CYFIP1: variants seen among roughly 807,000 people sequenced by gnomAD.
The protein encoded by CYFIP1 is cytoplasmic FMR1-interacting protein 1.
Under a neutral mutation model 163.5 loss-of-function variants are expected in CYFIP1, and 58 were observed. The ratio of observed to expected loss-of-function variants is 0.35; its 90% confidence interval spans 0.29 to 0.44. The LOEUF (loss-of-function observed/expected upper bound fraction) is 0.44, where lower values mean the gene tolerates loss of function less well. Ranked by LOEUF, CYFIP1 falls within the 20% of genes least tolerant of loss-of-function variation. The pLI is 1.00. For missense variants in CYFIP1, 1,338 were observed against 1,653.8 expected, an observed-to-expected ratio of 0.81 and a Z score of 3.31; for synonymous variants, 663 against 660.7, an observed-to-expected ratio of 1.00 and a Z score of -0.05.
rs533578030 is a variant in CYFIP1, at chr15:22,900,377, C to T, written c.2588+3329G>A. ...ATTCCAGACTTCTGGACTCCAGAAC[C>T]GTAAGAGAATAAATTTCTGTTCTTT... On this transcript the variant is annotated intron_variant, in intron 22 of 30. Coordinates refer to ENST00000617928, the MANE Select transcript of CYFIP1 (RefSeq NM_014608.6). Among the ~76,000 whole-genome samples, 52 of 151,460 alleles carry T rather than the reference C, an allele frequency of 3.4e-4. 3 individuals carry two copies. The South Asian group carries it at 9.4e-3, about 27-fold the overall frequency.
chr15:22,885,299 C>A (rs897081260), intron 23 of CYFIP1, among the ~76,000 whole-genome samples: 1 of 152,160 alleles, frequency 6.6e-6, no homozygotes, highest in African/African-American at 2.4e-5. Flanking sequence ...TAGGGCGGGG[C>A]AAAATGCTGC....
chr15:22,963,006 G>A (rs2062740915), intron 1 of CYFIP1, among the ~76,000 whole-genome samples: 1 of 152,098 alleles, frequency 6.6e-6, no homozygotes, highest in South Asian at 2.1e-4. Flanking sequence ...ACATGCTCCA[G>A]CACAGGGCTC....
chr15:22,911,758 TCTC>T, intron 18 of CYFIP1, among the ~76,000 whole-genome samples: 1 of 152,130 alleles, frequency 6.6e-6, no homozygotes, highest in Non-Finnish European at 1.5e-5. Flanking sequence ...ATAAGGTTCA[TCTC>T]CTTAAATGTG....
chr15:22,923,476 T>C (rs979191849), intron 13 of CYFIP1, among the ~76,000 whole-genome samples: 1 of 152,114 alleles, frequency 6.6e-6, no homozygotes, highest in African/African-American at 2.4e-5. Flanking sequence ...ACAAGTTTGG[T>C]GTGGATGTGG....
chr15:22,967,498 C>T (rs12441090), intron 1 of CYFIP1, among the ~76,000 whole-genome samples: 70,167 of 151,924 alleles, frequency 0.46, 16,525 homozygotes, highest in Non-Finnish European at 0.5. Context: ...CTTTCCTGCT[C>T]ACAGTGTGTG....
chr15:22,947,042 G>A lies in CYFIP1; in HGVS notation c.168C>T (p.Ile56=), dbSNP rs745649616. Residue 56 remains isoleucine, a synonymous_variant, in exon 3 of 31, where the codon ATC becomes ATT. Transcript: ENST00000617928. ...FEDRNAFVTG[I]ARYIEQATVH... ...CGGTGGCTTGTTCAATGTATCTTGC[G>A]ATGCCAGTAACAAATGCATTTCTGT... is the stretch of plus-strand genomic sequence containing the variant. The A allele has an allele frequency of 3.0e-5, 48 of 1,614,004 alleles. 1 individual carries two copies. The highest frequency in any genetic ancestry group is 8.3e-5 in the Admixed American group (5 of 60,002).
In CYFIP1 at chr15:22,878,674, T is replaced by TAA. The variant is rs199504341; in HGVS notation, c.3042+1237_3042+1238dup. On this transcript the variant is annotated intron_variant, in intron 26 of 30. Coordinates refer to ENST00000617928, the MANE Select transcript of CYFIP1 (RefSeq NM_014608.6). Reference sequence around the variant, plus strand: ...AAAGTTCCATGTGCAGATGGTAGATTAAAAAAAAAAAAAAGTGCTAATCAT... The same window carrying TAA: ...AAAGTTCCATGTGCAGATGGTAGATTAAAAAAAAAAAAAAAAGTGCTAATCAT... 7.0e-4 allele frequency among the ~76,000 whole-genome samples: 85 copies of TAA among 121,714 alleles called. 1 individual carries two copies. In the East Asian group the frequency reaches 9.9e-3, roughly 14 times the overall value. 79.8% of individuals were successfully genotyped at this position (121,714 alleles called of 152,430 possible). A position where few individuals can be genotyped will look rare whatever the true frequency, so the allele number is the denominator to read the frequency against.
At position 22,922,884 on chromosome 15, in the gene CYFIP1, TG is replaced by T. The variant is rs544487532; in HGVS notation, c.1359+3097del. 2.8e-3 allele frequency among the ~76,000 whole-genome samples: 426 copies of T among 151,822 alleles called. 3 individuals are homozygous for T. The highest frequency in any genetic ancestry group is 0.01 in the African/African-American group (415 of 41,406). ...GCGCACACCTGTAATCCCAGCTACT[TG>T]GGAGGCTGAAGCAGGAGAATTGCTT... is the stretch of plus-strand genomic sequence containing the variant. On this transcript the variant is annotated intron_variant, in intron 13 of 30. Transcript: ENST00000617928.
chr15:22,870,848 T>C (rs1477201108), intron 30 of CYFIP1, among the ~76,000 whole-genome samples: 1 of 152,170 alleles, frequency 6.6e-6, no homozygotes, highest in Non-Finnish European at 1.5e-5. Context: ...ACTTCCAGTT[T>C]GGAAATACTG....
At chr15:22,972,469 A>G (rs183077547) in intron 1 of CYFIP1, among the ~76,000 whole-genome samples, 94 of 152,258 alleles carry the variant, frequency 6.2e-4, no homozygotes, top group Non-Finnish European at 1.0e-3. Flanking sequence ...AACTACAGAG[A>G]TATAGTAACC....
In CYFIP1 at chr15:22,876,506, G is replaced by C. The variant is rs367718685; in HGVS notation, c.3043-1235C>G. On this transcript the variant is annotated intron_variant, in intron 26 of 30. Coordinates refer to ENST00000617928, the MANE Select transcript of CYFIP1 (RefSeq NM_014608.6). ...TAATTATTTATGTCCATGAGTCCTG[G>C]GATGGACATAAATAATTATAGAACC... Among the ~76,000 whole-genome samples, 3 of 151,962 alleles carry C rather than the reference G, an allele frequency of 2.0e-5. No individual in the cohort carries two copies. The East Asian group carries it at 5.9e-4, about 30-fold the overall frequency.
intron 3 of CYFIP1, chr15:22,946,721 G>A: frequency 1.7e-6 from 1 of 601,398 alleles, no homozygotes; most frequent in Non-Finnish European, 3.1e-6. Flanking sequence ...GGTGTGTGTG[G>A]GTGCAGATCT....
In CYFIP1 at chr15:22,947,069, T is replaced by C. The variant is rs369583946; in HGVS notation, c.141A>G (p.Glu47=). Reference sequence around the variant, plus strand: ...TGCCAGTAACAAATGCATTTCTGTCTTCAAAGTTAGTGTTGAAATTTGGCT... The same window carrying C: ...TGCCAGTAACAAATGCATTTCTGTCCTCAAAGTTAGTGTTGAAATTTGGCT... ...LYQPNFNTNF[E]DRNAFVTGIA... Residue 47 remains glutamate, a synonymous_variant, in exon 3 of 31, where the codon GAA becomes GAG. Coordinates refer to ENST00000617928, the MANE Select transcript of CYFIP1 (RefSeq NM_014608.6). 8 of 1,614,058 alleles carry C rather than the reference T, an allele frequency of 5.0e-6. No individual in the cohort carries two copies. The African/African-American group carries it at 1.1e-4, about 22-fold the overall frequency.
At chr15:22,935,372 G>A (rs1305962208) in intron 9 of CYFIP1, among the ~76,000 whole-genome samples, 1 of 152,176 alleles carries the variant, frequency 6.6e-6, no homozygotes, top group African/African-American at 2.4e-5. Context: ...GCCATACTGG[G>A]AAAGATCCAA....
chr15:22,939,361 C>T, intron 7 of CYFIP1, 41 bp from the exon 8 acceptor site: 1 of 1,614,078 alleles, frequency 6.2e-7, no homozygotes, highest in Non-Finnish European at 8.5e-7. Flanking sequence ...GGCCCGGCGC[C>T]CGGCCGGCTG....
chr15:22,898,886 C>A (rs1338835521), intron 22 of CYFIP1, among the ~76,000 whole-genome samples: 1 of 151,896 alleles, frequency 6.6e-6, no homozygotes, highest in African/African-American at 2.4e-5. Context: ...GACTATAGTC[C>A]AGCTAATCGG....
chr15:22,939,486 T>C lies in CYFIP1; in HGVS notation c.591A>G (p.Lys197=). The C allele has an allele frequency of 6.2e-7, 1 of 1,610,056 alleles. No homozygotes were observed. Among genetic ancestry groups the C allele is most frequent in the Non-Finnish European group, 8.5e-7 (1 of 1,179,562 alleles). Residue 197 remains lysine (K), a synonymous_variant, in exon 7 of 31, where the codon AAA becomes AAG. Transcript: ENST00000617928. ...CCTGGATGGACTGTGGATCTGCCATTTTACGTAAAAACTGAGCGGCCCTTT... is the reference window on the plus strand; with the variant it reads ...CCTGGATGGACTGTGGATCTGCCATCTTACGTAAAAACTGAGCGGCCCTTT... ...AYKRAAQFLR[K]MADPQSIQES... is the part of the protein sequence containing the mutation.
At chr15:22,897,542 C>T (rs1414812067) in intron 22 of CYFIP1, among the ~76,000 whole-genome samples, 2 of 151,204 alleles carry the variant, frequency 1.3e-5, no homozygotes, top group African/African-American at 4.9e-5. Context: ...GGAGTGCAGT[C>T]GCGCATTCTT....
chr15:22,888,474 T>C (rs987002494), intron 23 of CYFIP1, among the ~76,000 whole-genome samples: 2 of 152,272 alleles, frequency 1.3e-5, no homozygotes, highest in South Asian at 4.1e-4. Flanking sequence ...GGCTCACGGC[T>C]ACATCCCAGC....
Sources: gnomAD v4.1 joint callset for allele counts (sites outside exome capture counted in the v4.1 genomes callset) on GRCh38, gnomAD v4.1.1 for gene constraint, MANE v1.5 for transcripts, NCBI Gene and HGNC (gene_info 2026-07-23, HGNC 2026-07-21) for gene names.